PCDH15: variants seen among roughly 807,000 people sequenced by gnomAD.
The protein encoded by PCDH15 is protocadherin-15.
Under a neutral mutation model 178.5 loss-of-function variants are expected in PCDH15, and 129 were observed. The ratio of observed to expected loss-of-function variants is 0.72; its 90% confidence interval spans 0.63 to 0.84. The LOEUF (loss-of-function observed/expected upper bound fraction) is 0.84. PCDH15 is among the 40% of genes least tolerant of loss of function. The pLI is 0.00. For missense variants in PCDH15, 2,230 were observed against 2,099.9 expected (o/e 1.06, Z -1.21); for synonymous variants, 800 against 732.0 (o/e 1.09, Z -1.50).
intron 6 of PCDH15, among the ~76,000 whole-genome samples, chr10:54,332,893 G>T (rs1940147274): frequency 6.6e-6 from 1 of 151,956 alleles, no homozygotes; most frequent in Non-Finnish European, 1.5e-5. Flanking sequence ...ATCCTTTAGA[G>T]ATTTTATAGA....
chr10:54,687,459 A>G (rs1003332171), intron 1 of PCDH15, among the ~76,000 whole-genome samples: 1 of 152,120 alleles, frequency 6.6e-6, no homozygotes, highest in Admixed American at 6.6e-5. Context: ...CTACATATAT[A>G]ATATATACTG....
chr10:54,857,702 T>G (rs2131776384), intron 3 of PCDH15, among the ~76,000 whole-genome samples: 1 of 152,102 alleles, frequency 6.6e-6, no homozygotes, highest in African/African-American at 2.4e-5. Context: ...TTCTCCCACC[T>G]TAGCCTCCCA....
At chr10:55,437,048 T>C (rs2132063730) in intron 2 of PCDH15, among the ~76,000 whole-genome samples, 1 of 152,324 alleles carries the variant, frequency 6.6e-6, no homozygotes, top group South Asian at 2.1e-4. Flanking sequence ...CACATGTGAT[T>C]TTGTCCTAGT....
At chr10:55,310,000 C>A (rs913670894) in intron 1 of PCDH15, among the ~76,000 whole-genome samples, 1 of 152,230 alleles carries the variant, frequency 6.6e-6, no homozygotes, top group East Asian at 1.9e-4. Flanking sequence ...CACCTTTCCT[C>A]CCATCCTTGA....
intron 2 of PCDH15, among the ~76,000 whole-genome samples, chr10:55,446,503 A>G (rs1413275842): frequency 6.6e-6 from 1 of 152,078 alleles, no homozygotes; most frequent in African/African-American, 2.4e-5. Flanking sequence ...TATCATAAAA[A>G]CGGGAAGATA....
chr10:54,806,639 A>G lies in PCDH15; in HGVS notation c.-29+90811T>C, dbSNP rs7081475. 8.1e-3 allele frequency among the ~76,000 whole-genome samples: 1,226 copies of G among 152,056 alleles called. 16 individuals are homozygous for G. Among genetic ancestry groups the G allele is most frequent in the African/African-American group, 0.028 (1,182 of 41,482 alleles). ...GCTGGGATTACAGGCACCCGCCACT[A>G]TACCTGGCTAATTTTTTTGTATTTT... On this transcript the variant is annotated intron_variant, in intron 3 of 5. Coordinates refer to the PCDH15 transcript ENST00000458638.
chr10:54,623,582 G>T (rs1369027226), intron 2 of PCDH15, among the ~76,000 whole-genome samples: 1 of 151,930 alleles, frequency 6.6e-6, no homozygotes, highest in Non-Finnish European at 1.5e-5. Flanking sequence ...GACAAATGTT[G>T]ACTGAACTAT....
At chr10:55,068,115 A>C (rs1235002691) in intron 2 of PCDH15, among the ~76,000 whole-genome samples, 1 of 151,612 alleles carries the variant, frequency 6.6e-6, no homozygotes, top group Non-Finnish European at 1.5e-5. Flanking sequence ...TTTTTGTTTT[A>C]TTTGCCTGTA....
At chr10:54,026,119 T>C (rs2093081273) in intron 18 of PCDH15, among the ~76,000 whole-genome samples, 1 of 151,216 alleles carries the variant, frequency 6.6e-6, no homozygotes, top group Non-Finnish European at 1.5e-5. Flanking sequence ...CCCATGCTGG[T>C]GTGCAGTGGT....
chr10:55,341,801 ATATATTTTTTTTTTTTT>A (rs1359551319), intron 2 of PCDH15, among the ~76,000 whole-genome samples: 37 of 11,346 alleles, frequency 3.3e-3, no homozygotes, highest in African/African-American at 5.3e-3. Flanking sequence ...ATATATATAT[ATATATTTTTTTTTTTTT>A]TTTTTTTTTT....
At chr10:55,402,952 A>G (rs1398415681) in intron 2 of PCDH15, among the ~76,000 whole-genome samples, 1 of 151,838 alleles carries the variant, frequency 6.6e-6, no homozygotes, top group East Asian at 1.9e-4. Flanking sequence ...AGTATATGAG[A>G]GTTTTTCTCC....
chr10:53,826,168 A>AACTT (rs1383375588), intron 32 of PCDH15, among the ~76,000 whole-genome samples: 2 of 151,928 alleles, frequency 1.3e-5, no homozygotes, highest in Admixed American at 1.3e-4. Flanking sequence ...ATCATTTTTC[A>AACTT]ACTTACAAAA....
chr10:54,244,000 A>G (rs150379300), intron 8 of PCDH15, among the ~76,000 whole-genome samples: 1 of 152,306 alleles, frequency 6.6e-6, no homozygotes, highest in East Asian at 1.9e-4. Flanking sequence ...TTAGAACAGA[A>G]GAGTGAAGAG....
Position 53,924,106 on chromosome 10 carries a change from G to A in PCDH15, c.3373+14709C>T, listed in dbSNP as rs1238345408. 4.6e-5 allele frequency among the ~76,000 whole-genome samples: 7 copies of A among 151,922 alleles called. No homozygotes were observed. The East Asian group carries it at 9.7e-4, about 21-fold the overall frequency. On this transcript the variant is annotated intron_variant, in intron 25 of 37. Coordinates refer to ENST00000644397, the MANE Select transcript of PCDH15 (RefSeq NM_001384140.1). ...GCGCTTGAGGAGCCCTTCAGCCCGC[G>A]GCTGCACTGTGGGAGCCCCTCTCTG...
At chr10:55,419,314 G>A (rs1433041179) in intron 2 of PCDH15, among the ~76,000 whole-genome samples, 3 of 151,812 alleles carry the variant, frequency 2.0e-5, no homozygotes, top group South Asian at 2.1e-4. Context: ...TAGATTGCAC[G>A]GATTTTGATG....
chr10:54,164,193 T>C (rs1460011523), intron 13 of PCDH15, among the ~76,000 whole-genome samples: 1 of 152,180 alleles, frequency 6.6e-6, no homozygotes, highest in South Asian at 2.1e-4. Flanking sequence ...ATGACTACTC[T>C]GGTAATGTAA....
chr10:55,591,405 A>G (rs1842840142), intron 2 of PCDH15, among the ~76,000 whole-genome samples: 1 of 152,148 alleles, frequency 6.6e-6, no homozygotes, highest in Non-Finnish European at 1.5e-5. Flanking sequence ...ACTGCACTCC[A>G]GCCTGGGTAA....
At chr10:55,233,610 C>A (rs117307959) in intron 1 of PCDH15, among the ~76,000 whole-genome samples, 8,842 of 151,726 alleles carry the variant, frequency 0.058, 339 homozygotes, top group Non-Finnish European at 0.09. Context: ...CCATTTTTTT[C>A]TCCTAACAAT....
chr10:54,334,622 A>G (rs528629919), intron 6 of PCDH15, among the ~76,000 whole-genome samples: 2 of 151,950 alleles, frequency 1.3e-5, no homozygotes, highest in East Asian at 3.9e-4. Context: ...ATTGTTTGTA[A>G]TATTCTCTTT....
Sources: allele counts gnomAD v4.1 joint callset (sites outside exome capture counted in the v4.1 genomes callset), GRCh38; gene constraint gnomAD v4.1.1; transcripts MANE v1.5; gene names NCBI Gene and HGNC (gene_info 2026-07-23, HGNC 2026-07-21).